HCFC2: variants seen among roughly 807,000 people sequenced by gnomAD.
HCFC2 encodes host cell factor 2.
In HCFC2, 18 loss-of-function variants were observed where a neutral mutation model predicts 89.2. The observed-to-expected ratio is 0.20, with a 90% CI of 0.14 to 0.30. The LOEUF is 0.30. HCFC2 is among the 10% of genes least tolerant of loss of function. HCFC2 has a pLI of 1.00. For missense variants in HCFC2, 578 were observed against 956.1 expected (o/e 0.60, Z 5.21); for synonymous variants, 308 against 335.7 (o/e 0.92, Z 0.90).
chr12:104,081,734 A>G (rs1232835934), intron 5 of HCFC2, among the ~76,000 whole-genome samples: 1 of 151,874 alleles, frequency 6.6e-6, no homozygotes, highest in South Asian at 2.1e-4. Context: ...AACATATAAA[A>G]TGGATTTTAA....
intron 14 of HCFC2, among the ~76,000 whole-genome samples, chr12:104,102,502 G>A (rs2029980889): frequency 6.6e-6 from 1 of 152,034 alleles, no homozygotes; most frequent in Non-Finnish European, 1.5e-5. Context: ...CCCAATGTGT[G>A]TTGTCTCCCT....
chr12:104,065,062 C>G, intron 1 of HCFC2: 2 of 224,956 alleles, frequency 8.9e-6, no homozygotes, highest in Admixed American at 5.8e-5. Context: ...AATCTCGCCT[C>G]TGTCAAAAAA....
At chr12:104,077,840 A>T (rs191738226) in intron 3 of HCFC2, among the ~76,000 whole-genome samples, 239 of 151,908 alleles carry the variant, frequency 1.6e-3, no homozygotes, top group African/African-American at 5.7e-3. Flanking sequence ...TTTGAATCTT[A>T]TTCCAGGTTA....
chr12:104,085,671 C>G (rs995757668), intron 7 of HCFC2, among the ~76,000 whole-genome samples: 4 of 150,660 alleles, frequency 2.7e-5, no homozygotes, highest in Non-Finnish European at 4.4e-5. Flanking sequence ...AAGTTAGCAT[C>G]AGTTTTGGTG....
At chr12:104,097,073 A>C (rs1171994985) in intron 12 of HCFC2, among the ~76,000 whole-genome samples, 1 of 152,150 alleles carries the variant, frequency 6.6e-6, no homozygotes, top group African/African-American at 2.4e-5. Context: ...AAATATACCA[A>C]GATTGTCTTA....
At position 104,064,819 on chromosome 12, in the gene HCFC2, C is replaced by A; in HGVS notation, c.163+96C>A. 1.7e-6 allele frequency: 2 copies of A among 1,155,910 alleles called. No homozygotes were observed. The highest frequency in any genetic ancestry group is 1.8e-5 in the South Asian group (1 of 56,798). 71.6% of individuals were successfully genotyped at this position (1,155,910 alleles called of 1,614,324 possible). A position where few individuals can be genotyped will look rare whatever the true frequency, so the allele number is the denominator to read the frequency against. On this transcript the variant is annotated intron_variant, in intron 1 of 14. Coordinates refer to ENST00000229330, the MANE Select transcript of HCFC2 (RefSeq NM_013320.3). This position sits in a 1 kb window ranked among gnomAD's most constrained non-coding sequence, Gnocchi z 7.3. ...CCGCGGCCCTGACAGCTGTCACCGC[C>A]CGGTCACTGCTTCCTTGGGCGGGCG...
At chr12:104,099,298 C>G (rs1340103341) in intron 13 of HCFC2, among the ~76,000 whole-genome samples, 1 of 152,164 alleles carries the variant, frequency 6.6e-6, no homozygotes, top group African/African-American at 2.4e-5. Context: ...ATCCAATCAC[C>G]TCCCATCAGG....
Position 104,087,443 on chromosome 12 carries a change from A to G in HCFC2, c.1231+429A>G, listed in dbSNP as rs12426053. ...TGTGTGTGTGTGTGTGTGTGTGTGT[A>G]TGTGTGTGTGTATATATATATACAT... On this transcript the variant is annotated intron_variant, in intron 8 of 14. Coordinates refer to ENST00000229330, the MANE Select transcript of HCFC2 (RefSeq NM_013320.3). 5.0e-3 allele frequency among the ~76,000 whole-genome samples: 479 copies of G among 96,128 alleles called. 2 individuals are homozygous for G. Among genetic ancestry groups the G allele is most frequent in the East Asian group, 0.011 (41 of 3,642 alleles). The allele number at this position is 96,128 out of a possible 152,430, so 63.1% of individuals were successfully genotyped here. A position where few individuals can be genotyped will look rare whatever the true frequency, so the allele number is the denominator to read the frequency against.
In HCFC2 at chr12:104,064,833, C is replaced by T. The variant is rs1393190537; in HGVS notation, c.163+110C>T. On this transcript the variant is annotated intron_variant, in intron 1 of 14. Coordinates refer to ENST00000229330, the MANE Select transcript of HCFC2 (RefSeq NM_013320.3). This position sits in a 1 kb window ranked among gnomAD's most constrained non-coding sequence, Gnocchi z 7.3. ...GCTGTCACCGCCCGGTCACTGCTTC[C>T]TTGGGCGGGCGGCGGGGAGCGCGGC... The T allele has an allele frequency of 6.8e-6, 7 of 1,027,178 alleles. No homozygotes were observed. Among genetic ancestry groups the T allele is most frequent in the Non-Finnish European group, 9.2e-6 (7 of 762,220 alleles). 63.6% of individuals were successfully genotyped at this position (1,027,178 alleles called of 1,614,324 possible).
chr12:104,082,281 GA>G (rs1282161066), intron 5 of HCFC2, among the ~76,000 whole-genome samples: 5 of 152,266 alleles, frequency 3.3e-5, no homozygotes, highest in African/African-American at 9.6e-5. Context: ...TTGCCAGAGA[GA>G]AATAATTGTG....
chr12:104,081,860 A>T (rs570032255), intron 5 of HCFC2, among the ~76,000 whole-genome samples: 1 of 150,122 alleles, frequency 6.7e-6, no homozygotes, highest in South Asian at 2.1e-4. Flanking sequence ...GACCGTTATC[A>T]TGCCACTGTA....
chr12:104,090,216 T>C (rs1379447012), intron 9 of HCFC2, among the ~76,000 whole-genome samples: 9 of 152,270 alleles, frequency 5.9e-5, no homozygotes, highest in African/African-American at 2.2e-4. Flanking sequence ...GGCTGGCTTA[T>C]AGAATCCTAT....
At chr12:104,080,653 G>T in intron 4 of HCFC2, 93 bp from the exon 5 acceptor site, 1 of 682,706 alleles carries the variant, frequency 1.5e-6, no homozygotes, top group African/African-American at 1.9e-5. Context: ...GTTTCATTTT[G>T]GTAAGTCCTT....
chr12:104,079,775 G>C (rs1883623613), intron 4 of HCFC2, 122 bp downstream of exon 4: 1 of 733,742 alleles, frequency 1.4e-6, no homozygotes, highest in African/African-American at 1.8e-5. Context: ...GTAGCCCCAG[G>C]GACAGTGTAT....
At position 104,095,321 on chromosome 12, in the gene HCFC2, G is replaced by T; in HGVS notation, c.1463-39G>T. On this transcript the variant is annotated intron_variant, in intron 10 of 14. Transcript: ENST00000229330. This position sits in a 1 kb window ranked among gnomAD's most constrained non-coding sequence, Gnocchi z 4.2. ...CGATAAGACACAACAATTATCTGCA[G>T]ATATCATATTAATAATTACCTTTTC... 6.9e-7 allele frequency: 1 copy of T among 1,440,592 alleles called. No homozygotes were observed. The allele number at this position is 1,440,592 out of a possible 1,614,324, so 89.2% of individuals were successfully genotyped here.
chr12:104,088,902 C>T (rs2136618164), intron 9 of HCFC2, among the ~76,000 whole-genome samples: 1 of 152,222 alleles, frequency 6.6e-6, no homozygotes, highest in Non-Finnish European at 1.5e-5. Flanking sequence ...TGATGAAGAG[C>T]AGTAGTTTCC....
intron 7 of HCFC2, among the ~76,000 whole-genome samples, chr12:104,083,609 G>T (rs1157273488): frequency 6.6e-6 from 1 of 152,160 alleles, no homozygotes; most frequent in Non-Finnish European, 1.5e-5. Flanking sequence ...TTTAACAAAT[G>T]TGGTAATATT....
chr12:104,093,476 G>T lies in HCFC2; in HGVS notation c.1375G>T (p.Asp459Tyr). 1 of 1,613,238 alleles carries T rather than the reference G, an allele frequency of 6.2e-7. No individual in the cohort carries two copies. Among genetic ancestry groups the T allele is most frequent in the Non-Finnish European group, 8.5e-7 (1 of 1,179,472 alleles). ...KNKPDFKALT[D>Y]SNAILYPSLA... Reference sequence around the variant, plus strand: ...CAAACCAGACTTTAAAGCACTGACGGATTCTAATGCCATTTTATATCCATC... The same window carrying T: ...CAAACCAGACTTTAAAGCACTGACGTATTCTAATGCCATTTTATATCCATC... Residue 459 changes from aspartate to tyrosine, a missense_variant, in exon 10 of 15, where the codon GAT becomes TAT. Around this residue, in one of 4 missense-constraint regions of HCFC2, gnomAD observed 210 missense variants for 251.7 expected, o/e 0.83. Coordinates refer to ENST00000229330, the MANE Select transcript of HCFC2 (RefSeq NM_013320.3).
rs1884238869 is a variant in HCFC2, at chr12:104,098,373, G to A, written c.1771G>A (p.Val591Met). 2 of 1,610,142 alleles carry A rather than the reference G, an allele frequency of 1.2e-6. No individual in the cohort carries two copies. The highest frequency in any genetic ancestry group is 1.7e-6 in the Non-Finnish European group (2 of 1,178,992). Residue 591 changes from valine (V) to methionine (M), a missense_variant, in exon 13 of 15, where the codon GTG becomes ATG. Val to Met is a conservative substitution (Grantham distance 21, BLOSUM62 1). This residue lies in a region of HCFC2 where 140 missense variants were observed against 266.4 expected (regional missense o/e 0.53). Transcript: ENST00000229330. The stretch of plus-strand genomic sequence containing the variant: ...GACTCCTTCAAATCCAGTGGCCACA[G>A]TGAAAGCGGGAGAACGACAATGGTG... ...KETPSNPVAT[V>M]KAGERQWCDV...
Sources: allele counts gnomAD v4.1 joint callset (sites outside exome capture counted in the v4.1 genomes callset), GRCh38; gene constraint gnomAD v4.1.1; regional missense constraint gnomAD v4.1.1; non-coding constraint Gnocchi (gnomAD v3.1); transcripts MANE v1.5; gene names NCBI Gene and HGNC (gene_info 2026-07-23, HGNC 2026-07-21).